Variants in MIPEP observed in about 807,000 individuals in gnomAD.
MIPEP encodes mitochondrial intermediate peptidase.
MIPEP carries 79 observed loss-of-function variants against 90.3 expected under a neutral mutation model. The ratio of observed to expected loss-of-function variants is 0.87; its 90% CI spans 0.73 to 1.05. The LOEUF is 1.05. Ranked by LOEUF, MIPEP falls within the 50% of genes least tolerant of loss-of-function variation. MIPEP has a pLI of 0.00. For missense variants in MIPEP, 940 were observed against 905.6 expected, an observed-to-expected ratio of 1.04 and a Z score of -0.49; for synonymous variants, 334 against 315.8, an observed-to-expected ratio of 1.06 and a Z score of -0.61.
chr13:23,791,938 T>G (rs1242700994), intron 16 of MIPEP, among the ~76,000 whole-genome samples: 1 of 152,250 alleles, frequency 6.6e-6, no homozygotes, highest in East Asian at 1.9e-4. Flanking sequence ...CAATAGTTGT[T>G]GCTCAGTTCT....
rs557560274 is a variant in MIPEP at position 23,860,947 on chromosome 13, G to C, written c.1053+1355C>G. On this transcript the variant is annotated intron_variant, in intron 9 of 18. Coordinates refer to ENST00000382172, the MANE Select transcript of MIPEP (RefSeq NM_005932.4). The stretch of plus-strand genomic sequence containing the variant: ...ACCTAACAAATGATTATGGGGGAGG[G>C]GAGTGTGCAGTGCCTGGGGTGCTTG... Among the ~76,000 whole-genome samples, 8 of 152,240 alleles carry C rather than the reference G, an allele frequency of 5.3e-5. No individual in the cohort carries two copies. The East Asian group carries it at 7.7e-4, about 15-fold the overall frequency.
At chr13:23,734,817 T>A (rs564509809) in intron 18 of MIPEP, among the ~76,000 whole-genome samples, 8 of 152,110 alleles carry the variant, frequency 5.3e-5, no homozygotes, top group African/African-American at 1.9e-4. Flanking sequence ...CAGGGGGGAA[T>A]GTTGTAGGAG....
intron 16 of MIPEP, among the ~76,000 whole-genome samples, chr13:23,790,622 T>C (rs1032440722): frequency 2.6e-5 from 4 of 152,194 alleles, no homozygotes; most frequent in Admixed American, 2.6e-4. Context: ...AAGCAGAGAA[T>C]GCAGCCTGTG....
chr13:23,804,067 C>T (rs1035255181), intron 16 of MIPEP, among the ~76,000 whole-genome samples: 6 of 152,168 alleles, frequency 3.9e-5, no homozygotes, highest in Admixed American at 2.0e-4. Flanking sequence ...ATCACCCTTC[C>T]TTTCAAATTA....
intron 16 of MIPEP, among the ~76,000 whole-genome samples, chr13:23,761,494 T>G (rs1593138741): frequency 6.6e-6 from 1 of 152,204 alleles, no homozygotes; most frequent in East Asian, 1.9e-4. Flanking sequence ...CTCAGGACAA[T>G]GTAGTAGTTA....
At chr13:23,743,274 T>C (rs537792398) in intron 18 of MIPEP, among the ~76,000 whole-genome samples, 137 of 151,948 alleles carry the variant, frequency 9.0e-4, no homozygotes, top group African/African-American at 3.1e-3. Flanking sequence ...AGCCTGGCAG[T>C]TTGAAAAATC....
In MIPEP at chr13:23,889,122, C is replaced by A; in HGVS notation, c.189+10G>T. On this transcript the variant is annotated intron_variant, in intron 1 of 18. Coordinates refer to ENST00000382172, the MANE Select transcript of MIPEP (RefSeq NM_005932.4). ...CGGGGACTGAGGGGAGCTCCTCCTG[C>A]GCCGCTCACCCGGCGCTCGCCGAAC... The A allele has an allele frequency of 2.1e-6, 3 of 1,409,530 alleles. No homozygotes were observed. The highest frequency in any genetic ancestry group is 1.6e-5 in the South Asian group (1 of 63,826). The allele number at this position is 1,409,530 out of a possible 1,614,324, so 87.3% of individuals were successfully genotyped here. A position where few individuals can be genotyped will look rare whatever the true frequency, so the allele number is the denominator to read the frequency against.
At chr13:23,874,327 T>A (rs1459295808) in intron 5 of MIPEP, among the ~76,000 whole-genome samples, 1 of 152,170 alleles carries the variant, frequency 6.6e-6, no homozygotes, top group Admixed American at 6.5e-5. Flanking sequence ...ACTGGCCATT[T>A]GTTAGTTAGG....
intron 16 of MIPEP, among the ~76,000 whole-genome samples, chr13:23,779,884 C>T (rs1378756240): frequency 6.6e-6 from 1 of 152,238 alleles, no homozygotes; most frequent in African/African-American, 2.4e-5. Context: ...TGAGATTGAT[C>T]TGCAAGGCAG....
At chr13:23,825,075 T>C (rs945868095) in intron 14 of MIPEP, among the ~76,000 whole-genome samples, 1 of 152,240 alleles carries the variant, frequency 6.6e-6, no homozygotes, top group Non-Finnish European at 1.5e-5. Flanking sequence ...TAAATTTTAA[T>C]TTTGACATAT....
At chr13:23,802,543 G>A (rs886136436) in intron 16 of MIPEP, among the ~76,000 whole-genome samples, 1 of 152,164 alleles carries the variant, frequency 6.6e-6, no homozygotes, top group Non-Finnish European at 1.5e-5. Context: ...ACTCCAGCCT[G>A]AGCAATAGAG....
intron 16 of MIPEP, among the ~76,000 whole-genome samples, chr13:23,794,580 A>G (rs1952936024): frequency 6.6e-6 from 1 of 152,214 alleles, no homozygotes; most frequent in Non-Finnish European, 1.5e-5. Context: ...TAAGATACAA[A>G]AGTTTACCTG....
intron 14 of MIPEP, among the ~76,000 whole-genome samples, chr13:23,817,102 G>A (rs139861640): frequency 2.6e-4 from 39 of 152,294 alleles, no homozygotes; most frequent in African/African-American, 8.9e-4. Context: ...AAGGTTGGTT[G>A]CCAGCACTGC....
At chr13:23,875,838 A>G (rs956180116) in intron 4 of MIPEP, among the ~76,000 whole-genome samples, 2 of 152,118 alleles carry the variant, frequency 1.3e-5, no homozygotes, top group African/African-American at 4.8e-5. Flanking sequence ...TTTTAATGTT[A>G]TATTATATAT....
chr13:23,843,558 A>T (rs1227820630), intron 10 of MIPEP, among the ~76,000 whole-genome samples: 2 of 152,236 alleles, frequency 1.3e-5, no homozygotes, highest in African/African-American at 4.8e-5. Context: ...ATATACATAG[A>T]ATTTCTAATA....
chr13:23,759,987 G>A, intron 17 of MIPEP, 109 bp downstream of exon 17: 2 of 1,400,512 alleles, frequency 1.4e-6, no homozygotes, highest in Non-Finnish European at 2.0e-6. Context: ...TTTCTGCCAG[G>A]TTTGGCTGTG....
chr13:23,863,227 C>T (rs1870388390), intron 8 of MIPEP, among the ~76,000 whole-genome samples: 1 of 152,160 alleles, frequency 6.6e-6, no homozygotes, highest in Non-Finnish European at 1.5e-5. Flanking sequence ...TTCCTAGAAT[C>T]CTTAGTACCT....
intron 14 of MIPEP, among the ~76,000 whole-genome samples, chr13:23,821,005 T>C (rs1340254884): frequency 6.6e-6 from 1 of 152,142 alleles, no homozygotes; most frequent in Non-Finnish European, 1.5e-5. Context: ...CGCCAAATAA[T>C]ACCAACTGCA....
At chr13:23,881,256 T>C (rs965661434) in intron 3 of MIPEP, among the ~76,000 whole-genome samples, 3 of 152,184 alleles carry the variant, frequency 2.0e-5, no homozygotes, top group Non-Finnish European at 4.4e-5. Flanking sequence ...CCCACAGCCA[T>C]TGATGCAACA....
Sources: gnomAD v4.1 joint callset for allele counts (sites outside exome capture counted in the v4.1 genomes callset) on GRCh38, gnomAD v4.1.1 for gene constraint, MANE v1.5 for transcripts, NCBI Gene and HGNC (gene_info 2026-07-23, HGNC 2026-07-21) for gene names.